Variants in SLC1A2 observed in about 807,000 individuals in gnomAD.
SLC1A2 encodes solute carrier family 1 member 2, also known as excitatory amino acid transporter 2.
In SLC1A2, 15 loss-of-function variants were observed where a neutral mutation model predicts 48.8. The observed-to-expected ratio is 0.31, with a 90% CI of 0.21 to 0.47. SLC1A2 has a LOEUF of 0.47. Ranked by LOEUF, SLC1A2 falls within the 20% of genes least tolerant of loss-of-function variation. The probability of loss-of-function intolerance (pLI) is 0.99; values close to 1 mark genes in which losing one functional copy is unlikely to be tolerated. For missense variants in SLC1A2, 502 were observed against 730.5 expected (o/e 0.69, Z 3.61); for synonymous variants, 279 against 272.6 (o/e 1.02, Z -0.23).
chr11:35,291,667 T>A (rs1469782162), intron 7 of SLC1A2: 2 of 153,314 alleles, frequency 1.3e-5, no homozygotes, highest in Admixed American at 6.5e-5. Flanking sequence ...TCTCTACATA[T>A]CTCTGGGGTC....
At chr11:35,363,061 G>A (rs1853733125) in intron 1 of SLC1A2, among the ~76,000 whole-genome samples, 1 of 152,174 alleles carries the variant, frequency 6.6e-6, no homozygotes, top group African/African-American at 2.4e-5. Context: ...CACAAAGCAG[G>A]TCAGCGGCAG....
intron 1 of SLC1A2, among the ~76,000 whole-genome samples, chr11:35,395,792 C>A (rs1313510971): frequency 1.4e-5 from 2 of 142,966 alleles, no homozygotes; most frequent in East Asian, 4.2e-4. Flanking sequence ...CGTCATCTAG[C>A]ATTAGGTATA....
chr11:35,276,396 G>T (rs1036655514), intron 9 of SLC1A2, among the ~76,000 whole-genome samples: 80 of 151,800 alleles, frequency 5.3e-4, no homozygotes, highest in Admixed American at 5.2e-3. Flanking sequence ...CCTAGGATGG[G>T]GTTTTCTATT....
chr11:35,292,149 C>A (rs183091194), intron 7 of SLC1A2, 138 bp downstream of exon 7: 50 of 696,264 alleles, frequency 7.2e-5, no homozygotes, highest in Non-Finnish European at 1.2e-4. Context: ...TCAAATCATT[C>A]GCCTTTTCCA....
intron 9 of SLC1A2, among the ~76,000 whole-genome samples, chr11:35,270,573 C>T (rs568987737): frequency 3.3e-5 from 5 of 152,144 alleles, no homozygotes; most frequent in African/African-American, 9.7e-5. Flanking sequence ...TCCCTTTTCC[C>T]CAAGAACCCA....
intron 1 of SLC1A2, among the ~76,000 whole-genome samples, chr11:35,415,390 A>G (rs940288633): frequency 2.6e-5 from 4 of 152,218 alleles, no homozygotes; most frequent in Admixed American, 2.0e-4. Context: ...GTAAACATGA[A>G]ATGGTTTTCT....
chr11:35,307,625 C>T (rs995560427), intron 4 of SLC1A2, among the ~76,000 whole-genome samples: 13 of 152,156 alleles, frequency 8.5e-5, no homozygotes, highest in Non-Finnish European at 1.6e-4. Flanking sequence ...AGAAGATGTA[C>T]GGGAAAGTCA....
In SLC1A2 at chr11:35,251,765, C is replaced by G. The variant is rs977838841; in HGVS notation, c.*9129G>C. ...CACTGCAAATTAATGTGCTTCATGCCCCCTGATGATATTGTAGGCTTTACC... is the reference window on the plus strand; with the variant it reads ...CACTGCAAATTAATGTGCTTCATGCGCCCTGATGATATTGTAGGCTTTACC... On this transcript the variant is annotated 3_prime_UTR_variant, in exon 11 of 11. Transcript: ENST00000278379. The G allele has an allele frequency of 1.3e-5, 2 of 152,550 alleles. No homozygotes were observed. Among genetic ancestry groups the G allele is most frequent in the Non-Finnish European group, 2.9e-5 (2 of 68,030 alleles). 9.4% of individuals were successfully genotyped at this position (152,550 alleles called of 1,614,324 possible).
intron 9 of SLC1A2, among the ~76,000 whole-genome samples, chr11:35,270,977 T>C (rs1007994476): frequency 5.3e-5 from 8 of 152,164 alleles, no homozygotes; most frequent in Non-Finnish European, 1.5e-5. Flanking sequence ...AAGAACGAAC[T>C]AAAAAATCAT....
chr11:35,376,209 T>A (rs1854224497), intron 1 of SLC1A2, among the ~76,000 whole-genome samples: 1 of 149,578 alleles, frequency 6.7e-6, no homozygotes. Context: ...AAAAAAACCC[T>A]CTTTGAAAGT....
chr11:35,312,357 C>G lies in SLC1A2; in HGVS notation c.402G>C (p.Leu134=), dbSNP rs759797428. 1.9e-6 allele frequency: 3 copies of G among 1,614,186 alleles called. No homozygotes were observed. The highest frequency in any genetic ancestry group is 2.5e-6 in the Non-Finnish European group (3 of 1,180,022). The part of the protein sequence containing the change: ...YMSTTIIAAV[L]GVILVLAIHP... ...GGATAGCCAAGACCAGAATGACCCC[C>G]AGTACTGCAGCAATGATGGTCGTGG... is the stretch of plus-strand genomic sequence containing the variant. Residue 134 remains leucine (L), a synonymous_variant, in exon 4 of 11, where the codon CTG becomes CTC. Transcript: ENST00000278379.
intron 1 of SLC1A2, among the ~76,000 whole-genome samples, chr11:35,400,637 A>G (rs572834028): frequency 5.4e-4 from 82 of 152,308 alleles, no homozygotes; most frequent in African/African-American, 2.0e-3. Flanking sequence ...CTCCAGCCAC[A>G]TATATTATAG....
At position 35,255,567 on chromosome 11, in the gene SLC1A2, G is replaced by A. The variant is rs1205304152; in HGVS notation, c.*5327C>T. 6.6e-6 allele frequency: 1 copy of A among 152,208 alleles called. No individual in the cohort carries two copies. Among genetic ancestry groups the A allele is most frequent in the African/African-American group, 2.4e-5 (1 of 41,444 alleles). 9.4% of individuals were successfully genotyped at this position (152,208 alleles called of 1,614,324 possible). A position where few individuals can be genotyped will look rare whatever the true frequency, so the allele number is the denominator to read the frequency against. On this transcript the variant is annotated 3_prime_UTR_variant, in exon 11 of 11. Transcript: ENST00000278379. ...ACCAAATTTCAAAAGAGTGATCAAG[G>A]TTATTCACCAAAGGCTCTCAAATTC...
chr11:35,305,584 T>A (rs1400427272), intron 5 of SLC1A2, among the ~76,000 whole-genome samples: 1 of 152,116 alleles, frequency 6.6e-6, no homozygotes, highest in Non-Finnish European at 1.5e-5. Flanking sequence ...GATAACAAGA[T>A]AATCTGTAAA....
chr11:35,320,993 A>G (rs1012616723), intron 1 of SLC1A2, among the ~76,000 whole-genome samples: 5 of 152,216 alleles, frequency 3.3e-5, no homozygotes, highest in Non-Finnish European at 7.3e-5. Flanking sequence ...TACAAAGGAA[A>G]GAGGTTTGAC....
intron 1 of SLC1A2, chr11:35,322,600 C>T: frequency 6.5e-7 from 1 of 1,534,868 alleles, no homozygotes; most frequent in Non-Finnish European, 8.7e-7. Context: ...TCCTCCCTGG[C>T]CCCAGGCTTC....
At chr11:35,380,675 TAAAAGGG>T (rs1854392452) in intron 1 of SLC1A2, 2 of 320,310 alleles carry the variant, frequency 6.2e-6, no homozygotes, top group Non-Finnish European at 1.1e-5. Flanking sequence ...AATAAATAAA[TAAAAGGG>T]CTGCGTGAGT....
At chr11:35,371,645 A>T (rs966360372) in intron 1 of SLC1A2, among the ~76,000 whole-genome samples, 2 of 152,172 alleles carry the variant, frequency 1.3e-5, no homozygotes, top group African/African-American at 4.8e-5. Flanking sequence ...AGACTTTCAC[A>T]GTTTTGTTTC....
At chr11:35,329,269 T>A (rs1349542334) in intron 1 of SLC1A2, among the ~76,000 whole-genome samples, 39 of 152,246 alleles carry the variant, frequency 2.6e-4, no homozygotes, top group Non-Finnish European at 1.5e-5. Flanking sequence ...AAATACTTTG[T>A]ATGTTACTAT....
Sources: allele counts gnomAD v4.1 joint callset (sites outside exome capture counted in the v4.1 genomes callset), GRCh38; gene constraint gnomAD v4.1.1; transcripts MANE v1.5; gene names NCBI Gene and HGNC (gene_info 2026-07-23, HGNC 2026-07-21).